Variants in ITPK1 observed in about 807,000 individuals in gnomAD.
The protein encoded by ITPK1 is inositol 1,3,4-trisphosphate 5/6-kinase.
Under a neutral mutation model 45.3 loss-of-function variants are expected in ITPK1, and 21 were observed. The ratio of observed to expected loss-of-function variants is 0.46; its 90% CI spans 0.33 to 0.67. The LOEUF (loss-of-function observed/expected upper bound fraction) is 0.67. Among genes scored for constraint, ITPK1 ranks in the 30% least tolerant of loss-of-function variants. The pLI, the probability that ITPK1 is intolerant of heterozygous loss-of-function variation, is 0.02. For synonymous variants in ITPK1, 258 were observed against 253.6 expected, an observed-to-expected ratio of 1.02 and a Z score of -0.16; for missense variants, 474 against 573.5, an observed-to-expected ratio of 0.83 and a Z score of 1.77.
intron 10 of ITPK1, among the ~76,000 whole-genome samples, chr14:92,943,313 A>G (rs1247063181): frequency 6.6e-6 from 1 of 152,220 alleles, no homozygotes; most frequent in Non-Finnish European, 1.5e-5. Flanking sequence ...CACGGTCCTC[A>G]GCCCACCGCA....
Position 92,941,646 on chromosome 14 carries a change from T to C in ITPK1, c.1160A>G (p.Gln387Arg). 6.5e-7 allele frequency: 1 copy of C among 1,540,686 alleles called. No homozygotes were observed. The highest frequency in any genetic ancestry group is 1.2e-5 in the South Asian group (1 of 83,812). Residue 387 changes from glutamine (Q) to arginine (R), a missense_variant, in exon 11 of 11, where the codon CAG (glutamine) becomes CGG (arginine). Around this residue, in one of 2 missense-constraint regions of ITPK1, gnomAD observed 107 missense variants for 92.9 expected, o/e 1.15. Transcript: ENST00000267615. ...DAGGTAKLPH[Q>R]RLGCNAGVSP... ...CACGCCGGCGTTGCAGCCGAGTCTCTGGTGCGGCAGCTTGGCGGTGCCGCC... is the reference window on the plus strand; with the variant it reads ...CACGCCGGCGTTGCAGCCGAGTCTCCGGTGCGGCAGCTTGGCGGTGCCGCC...
intron 3 of ITPK1, among the ~76,000 whole-genome samples, chr14:93,021,785 C>A (rs1888481861): frequency 6.6e-6 from 1 of 152,012 alleles, no homozygotes; most frequent in South Asian, 2.1e-4. Flanking sequence ...TCATTTGGGG[C>A]TGCCACCAAG....
intron 2 of ITPK1, among the ~76,000 whole-genome samples, chr14:93,094,158 C>T (rs1891974148): frequency 6.6e-6 from 1 of 152,228 alleles, no homozygotes; most frequent in Admixed American, 6.5e-5. Flanking sequence ...CCGTTCTACC[C>T]GAGGATATGC....
In ITPK1 at chr14:93,076,513, TG is replaced by T. The variant is rs1891224425; in HGVS notation, c.120+81del. 2.7e-6 allele frequency: 4 copies of T among 1,479,700 alleles called. No individual in the cohort carries two copies. Among genetic ancestry groups the T allele is most frequent in the East Asian group, 2.3e-5 (1 of 44,124 alleles). The allele number at this position is 1,479,700 out of a possible 1,614,324, so 91.7% of individuals were successfully genotyped here. A position where few individuals can be genotyped will look rare whatever the true frequency, so the allele number is the denominator to read the frequency against. ...GAAGAGAGAAAGCCGTGCCCAATGC[TG>T]GAGGAGAGAAGGAGAGACAGAGAGG... On this transcript the variant is annotated intron_variant, in intron 3 of 10. Transcript: ENST00000267615. This position sits in a 1 kb window ranked among gnomAD's most constrained non-coding sequence, Gnocchi z 4.3.
intron 4 of ITPK1, among the ~76,000 whole-genome samples, chr14:92,998,160 G>A (rs1887154692): frequency 6.6e-6 from 1 of 152,198 alleles, no homozygotes; most frequent in Non-Finnish European, 1.5e-5. Context: ...AAGCCTACCG[G>A]AGGCAGCTGC....
chr14:93,017,523 G>C lies in ITPK1; in HGVS notation c.121-722C>G, dbSNP rs114172798. 2.1e-3 allele frequency among the ~76,000 whole-genome samples: 318 copies of C among 152,368 alleles called. 1 individual carries two copies. The highest frequency in any genetic ancestry group is 0.014 in the Middle Eastern group (4 of 294). On this transcript the variant is annotated intron_variant, in intron 3 of 10. Transcript: ENST00000267615. Reference sequence around the variant, plus strand: ...CCAGAGCCTCTGGCCAACAGTCAGCGTCACCTGACCCCAAGACAGGAGCAC... The same window carrying C: ...CCAGAGCCTCTGGCCAACAGTCAGCCTCACCTGACCCCAAGACAGGAGCAC...
chr14:92,972,480 T>A (rs1885711424), intron 5 of ITPK1, among the ~76,000 whole-genome samples: 1 of 152,152 alleles, frequency 6.6e-6, no homozygotes, highest in Non-Finnish European at 1.5e-5. Context: ...AACACTAAGA[T>A]CTGAGACTTC....
chr14:93,027,135 T>C (rs1369838071), intron 3 of ITPK1, among the ~76,000 whole-genome samples: 1 of 152,178 alleles, frequency 6.6e-6, no homozygotes, highest in African/African-American at 2.4e-5. Context: ...GGATGTGCAC[T>C]AGAAACTGGT....
At chr14:93,096,073 C>T (rs556802686) in intron 2 of ITPK1, among the ~76,000 whole-genome samples, 2 of 152,270 alleles carry the variant, frequency 1.3e-5, no homozygotes, top group South Asian at 4.1e-4. Flanking sequence ...CTGCCTGCTT[C>T]CTCACGGCCC....
intron 2 of ITPK1, among the ~76,000 whole-genome samples, chr14:93,095,426 A>T (rs1336812101): frequency 6.9e-6 from 1 of 145,940 alleles, no homozygotes; most frequent in East Asian, 1.9e-4. Context: ...AGCAAGTTTG[A>T]CCCAGTCCCT....
At chr14:93,105,024 C>T (rs532458308) in intron 2 of ITPK1, among the ~76,000 whole-genome samples, 4 of 152,208 alleles carry the variant, frequency 2.6e-5, no homozygotes. Flanking sequence ...TCCGGGCAAA[C>T]CAGCAGCCAG....
At chr14:93,112,438 T>A (rs1892790660) in intron 2 of ITPK1, among the ~76,000 whole-genome samples, 1 of 68,112 alleles carries the variant, frequency 1.5e-5, no homozygotes. Context: ...AGCAGGGCCA[T>A]TTTTTTTTTT....
intron 5 of ITPK1, among the ~76,000 whole-genome samples, chr14:92,984,043 A>G (rs1886368465): frequency 6.6e-6 from 1 of 152,244 alleles, no homozygotes; most frequent in Admixed American, 6.5e-5. Context: ...TTCTAAATGT[A>G]CACATTGCAC....
Position 92,958,262 on chromosome 14 carries a change from A to G in ITPK1, c.609T>C (p.Val203=), listed in dbSNP as rs199605244. 6.8e-6 allele frequency: 11 copies of G among 1,613,430 alleles called. No homozygotes were observed. The African/African-American group carries it at 1.5e-4, about 22-fold the overall frequency. The change falls in exon 8 of 11, where the codon GTT becomes GTC. Residue 203 remains valine, a synonymous_variant. Coordinates refer to ENST00000267615, the MANE Select transcript of ITPK1 (RefSeq NM_014216.6). The surrounding 1 kb of genome is among the most constrained non-coding windows in gnomAD (Gnocchi z 4.4). ...HNAVLYKVFV[V]GESYTVVQRP... is the part of the protein sequence containing the mutation. ...TCTGGACCACGGTGTAGGACTCGCC[A>G]ACCACGAACACCTTGTACAGGACGG...
In ITPK1 at chr14:92,939,747, G is replaced by A. The variant is rs987101375; in HGVS notation, c.*1814C>T. On this transcript the variant is annotated 3_prime_UTR_variant, in exon 11 of 11. Transcript: ENST00000267615. ...CTGCACACCCCCACCCGTACCTGAG[G>A]CAGACTGGGATTGAAATTTTATTTT... 7 of 985,456 alleles carry A rather than the reference G, an allele frequency of 7.1e-6. No homozygotes were observed. The highest frequency in any genetic ancestry group is 1.2e-4 in the Admixed American group (2 of 16,274). The allele number at this position is 985,456 out of a possible 1,614,324, so 61.0% of individuals were successfully genotyped here.
intron 4 of ITPK1, among the ~76,000 whole-genome samples, chr14:92,997,390 C>T: frequency 6.6e-6 from 1 of 152,154 alleles, no homozygotes; most frequent in East Asian, 1.9e-4. Context: ...AAGGGGAAAA[C>T]ATCTGACAAG....
intron 3 of ITPK1, among the ~76,000 whole-genome samples, chr14:93,059,489 GGTCTCAAGGTGGGCGCAGGTGCT>G (rs1890409780): frequency 1.0e-5 from 1 of 98,934 alleles, no homozygotes; most frequent in Non-Finnish European, 2.1e-5. Flanking sequence ...AGGGGGTGCG[GGTCTCAAGGTGGGCGCAGGTGCT>G]GGTCACAAGG....
Position 92,940,444 on chromosome 14 carries a change from G to T in ITPK1, c.*1117C>A, listed in dbSNP as rs1043547. The T allele has an allele frequency of 0.23, 257,820 of 1,115,628 alleles. 31,567 individuals carry two copies. The highest frequency in any genetic ancestry group is 0.27 in the Middle Eastern group (652 of 2,384). 69.1% of individuals were successfully genotyped at this position (1,115,628 alleles called of 1,614,324 possible). On this transcript the variant is annotated 3_prime_UTR_variant, in exon 11 of 11. Coordinates refer to ENST00000267615, the MANE Select transcript of ITPK1 (RefSeq NM_014216.6). ...GGGTGAGTCTGAGGTGTGCAGAAGCGATGGGGGGCGGGTGGCTCCCTGGCA... is the reference window on the plus strand; with the variant it reads ...GGGTGAGTCTGAGGTGTGCAGAAGCTATGGGGGGCGGGTGGCTCCCTGGCA...
At chr14:92,971,513 T>C (rs1186853308) in intron 5 of ITPK1, among the ~76,000 whole-genome samples, 2 of 152,336 alleles carry the variant, frequency 1.3e-5, no homozygotes, top group African/African-American at 4.8e-5. Context: ...CGCCGTACTA[T>C]TGTCGTCATC....
Sources: allele counts gnomAD v4.1 joint callset (sites outside exome capture counted in the v4.1 genomes callset), GRCh38; gene constraint gnomAD v4.1.1; regional missense constraint gnomAD v4.1.1; non-coding constraint Gnocchi (gnomAD v3.1); transcripts MANE v1.5; gene names NCBI Gene and HGNC (gene_info 2026-07-23, HGNC 2026-07-21).